Variants in PDS5B observed in about 807,000 individuals in gnomAD.
PDS5B encodes the protein sister chromatid cohesion protein PDS5 homolog B.
Under a neutral mutation model 184.1 loss-of-function variants are expected in PDS5B, and 51 were observed. The observed-to-expected ratio is 0.28, with a 90% CI of 0.22 to 0.35. The LOEUF is 0.35. Ranked by LOEUF, PDS5B falls within the 10% of genes least tolerant of loss-of-function variation. The pLI is 1.00. For synonymous variants in PDS5B, 566 were observed against 569.2 expected, an observed-to-expected ratio of 0.99 and a Z score of 0.08; for missense variants, 1,180 against 1,723.3, an observed-to-expected ratio of 0.68 and a Z score of 5.58.
intron 24 of PDS5B, among the ~76,000 whole-genome samples, chr13:32,750,165 A>C (rs978605320): frequency 6.6e-6 from 1 of 152,118 alleles, no homozygotes; most frequent in African/African-American, 2.4e-5. Context: ...ATGATTTCAC[A>C]GTTCTCTAAC....
At chr13:32,639,034 A>G in intron 1 of PDS5B, among the ~76,000 whole-genome samples, 1 of 150,928 alleles carries the variant, frequency 6.6e-6, no homozygotes, top group Non-Finnish European at 1.5e-5. Context: ...TCGTAATTTT[A>G]TCCACCCCCC....
intron 19 of PDS5B, among the ~76,000 whole-genome samples, chr13:32,723,184 G>T (rs1952778413): frequency 6.6e-6 from 1 of 151,958 alleles, no homozygotes; most frequent in African/African-American, 2.4e-5. Context: ...GACAAATGAG[G>T]TTCTACACAC....
chr13:32,706,049 G>A (rs1452634124), intron 17 of PDS5B, among the ~76,000 whole-genome samples: 1 of 151,926 alleles, frequency 6.6e-6, no homozygotes, highest in Non-Finnish European at 1.5e-5. Flanking sequence ...AGGCAAAGGC[G>A]GGCAGATCAC....
chr13:32,606,629 G>A (rs745328692), intron 1 of PDS5B, among the ~76,000 whole-genome samples: 9 of 152,126 alleles, frequency 5.9e-5, no homozygotes, highest in Non-Finnish European at 1.2e-4. Context: ...GCTAGGTTGG[G>A]GAAGTTCTCC....
chr13:32,755,545 C>T (rs1192281984), intron 25 of PDS5B, among the ~76,000 whole-genome samples: 4 of 152,032 alleles, frequency 2.6e-5, no homozygotes, highest in Admixed American at 6.6e-5. Context: ...TTTTTCCTTA[C>T]GTATTTTAAA....
At chr13:32,587,265 C>T (rs2057702064) in intron 1 of PDS5B, among the ~76,000 whole-genome samples, 1 of 151,810 alleles carries the variant, frequency 6.6e-6, no homozygotes, top group African/African-American at 2.4e-5. Flanking sequence ...CGCCGCTCGC[C>T]GGAGGGAAAT....
intron 1 of PDS5B, among the ~76,000 whole-genome samples, chr13:32,645,010 T>C (rs1383778782): frequency 6.6e-6 from 1 of 152,190 alleles, no homozygotes; most frequent in Non-Finnish European, 1.5e-5. Context: ...TGTTCTTTTC[T>C]TTTTTCTTTT....
At chr13:32,733,905 A>G (rs1953214114) in intron 20 of PDS5B, among the ~76,000 whole-genome samples, 1 of 151,880 alleles carries the variant, frequency 6.6e-6, no homozygotes, top group South Asian at 2.1e-4. Context: ...ATGCATGCAC[A>G]TACACACGCA....
chr13:32,745,764 T>A (rs142154828), intron 23 of PDS5B, among the ~76,000 whole-genome samples: 75 of 152,298 alleles, frequency 4.9e-4, no homozygotes, highest in South Asian at 2.1e-3. Context: ...TTTCCCACAA[T>A]GACCTAATCA....
At chr13:32,631,127 T>A (rs1262995058) in intron 1 of PDS5B, among the ~76,000 whole-genome samples, 1 of 149,160 alleles carries the variant, frequency 6.7e-6, no homozygotes, top group African/African-American at 2.5e-5. Flanking sequence ...TCTTTTTTTT[T>A]TTTTTTGAGA....
chr13:32,714,943 A>C (rs1037334737), intron 19 of PDS5B, among the ~76,000 whole-genome samples: 1 of 152,236 alleles, frequency 6.6e-6, no homozygotes, highest in Admixed American at 6.5e-5. Flanking sequence ...ATAAGTGTCC[A>C]TGAAATCTTT....
intron 6 of PDS5B, 51 bp downstream of exon 6, chr13:32,659,331 C>T: frequency 7.2e-7 from 1 of 1,381,546 alleles, no homozygotes; most frequent in Non-Finnish European, 9.6e-7. Context: ...AATATTAAGG[C>T]TTAAAATTTG....
intron 1 of PDS5B, among the ~76,000 whole-genome samples, chr13:32,643,112 G>A (rs1365890427): frequency 6.6e-6 from 1 of 152,068 alleles, no homozygotes; most frequent in Non-Finnish European, 1.5e-5. Flanking sequence ...TATGAATCAT[G>A]AACAGCTTTT....
In PDS5B at chr13:32,662,933, A is replaced by C. The variant is rs557184472; in HGVS notation, c.624+3653A>C. On this transcript the variant is annotated intron_variant, in intron 6 of 34. Transcript: ENST00000315596. Reference sequence around the variant, plus strand: ...AACAATGGACATGAAAAAGATCAAAAGACAATTCCATGAGGAATATTTTAT... The same window carrying C: ...AACAATGGACATGAAAAAGATCAAACGACAATTCCATGAGGAATATTTTAT... Among the ~76,000 whole-genome samples the C allele has an allele frequency of 4.6e-5, 7 of 152,290 alleles. No individual in the cohort carries two copies. In the South Asian group the frequency reaches 1.2e-3, roughly 27 times the overall value.
intron 24 of PDS5B, among the ~76,000 whole-genome samples, chr13:32,747,011 CAT>C (rs1300606346): frequency 6.6e-6 from 1 of 152,130 alleles, no homozygotes; most frequent in Non-Finnish European, 1.5e-5. Context: ...AAAGACATGA[CAT>C]AGAACTAATT....
chr13:32,757,520 TAG>T (rs1221580287), intron 26 of PDS5B, among the ~76,000 whole-genome samples: 3 of 151,702 alleles, frequency 2.0e-5, no homozygotes, highest in Non-Finnish European at 4.4e-5. Flanking sequence ...TTGTATTGAA[TAG>T]AGTTTTACGT....
intron 1 of PDS5B, among the ~76,000 whole-genome samples, chr13:32,625,183 C>G (rs1387190880): frequency 2.0e-5 from 3 of 152,102 alleles, no homozygotes; most frequent in Non-Finnish European, 4.4e-5. Flanking sequence ...GTGACGTGAT[C>G]ACAGCTCACT....
chr13:32,611,838 C>A (rs900542205), intron 1 of PDS5B, among the ~76,000 whole-genome samples: 1 of 151,734 alleles, frequency 6.6e-6, no homozygotes, highest in Non-Finnish European at 1.5e-5. Flanking sequence ...TTTTTGTTAA[C>A]TTCCCATTGT....
At chr13:32,608,520 T>A (rs1295888904) in intron 1 of PDS5B, among the ~76,000 whole-genome samples, 14 of 152,150 alleles carry the variant, frequency 9.2e-5, no homozygotes, top group Admixed American at 9.2e-4. Flanking sequence ...TGCTTCTGAG[T>A]CTGGTGCTAG....
Sources: allele counts gnomAD v4.1 joint callset (sites outside exome capture counted in the v4.1 genomes callset), GRCh38; gene constraint gnomAD v4.1.1; transcripts MANE v1.5; gene names NCBI Gene and HGNC (gene_info 2026-07-23, HGNC 2026-07-21).